The following TMTC1 variants were observed in gnomAD, a reference collection of about 807,000 sequenced individuals.
TMTC1 encodes the protein transmembrane O-mannosyltransferase targeting cadherins 1, also known as protein O-mannosyl-transferase TMTC1.
In TMTC1, 73 loss-of-function variants were observed where a neutral mutation model predicts 104.8. The observed-to-expected ratio is 0.70, with a 90% CI of 0.58 to 0.85. The LOEUF (loss-of-function observed/expected upper bound fraction) is 0.85, where lower values mean the gene tolerates loss of function less well. TMTC1 is among the 40% of genes least tolerant of loss of function. TMTC1 has a pLI of 0.00. For missense variants in TMTC1, 1,035 were observed against 1,096.1 expected, an observed-to-expected ratio of 0.94 and a Z score of 0.79; for synonymous variants, 434 against 428.7, an observed-to-expected ratio of 1.01 and a Z score of -0.15.
At chr12:29,691,555 G>A (rs1315910805) in intron 5 of TMTC1, among the ~76,000 whole-genome samples, 5 of 123,352 alleles carry the variant, frequency 4.1e-5, no homozygotes, top group African/African-American at 5.9e-5. Flanking sequence ...GGTGAAACCC[G>A]TTGGGTGGTT....
chr12:29,637,501 T>C (rs966171848), intron 5 of TMTC1, among the ~76,000 whole-genome samples: 1 of 152,196 alleles, frequency 6.6e-6, no homozygotes, highest in African/African-American at 2.4e-5. Context: ...TTAAACAATT[T>C]AGTCATGCAT....
chr12:29,731,460 A>T (rs71453754), intron 5 of TMTC1, among the ~76,000 whole-genome samples: 18,339 of 152,174 alleles, frequency 0.12, 1,279 homozygotes, highest in Admixed American at 0.22. Flanking sequence ...CGCAAATTGG[A>T]TTTTAAACAA....
At chr12:29,618,857 G>A (rs1041826822) in intron 6 of TMTC1, among the ~76,000 whole-genome samples, 11 of 152,106 alleles carry the variant, frequency 7.2e-5, no homozygotes, top group African/African-American at 2.2e-4. Flanking sequence ...AGGACAGAAC[G>A]GTTCTAGATG....
At chr12:29,610,209 G>A (rs1011809046) in intron 6 of TMTC1, among the ~76,000 whole-genome samples, 5 of 152,176 alleles carry the variant, frequency 3.3e-5, no homozygotes, top group Admixed American at 2.6e-4. Flanking sequence ...AAAAAGGATC[G>A]GAGCTCGGGC....
rs111321275 is a variant in TMTC1, at chr12:29,601,211, G to C, written c.1250+2967C>G. Among the ~76,000 whole-genome samples the C allele has an allele frequency of 8.6e-4, 131 of 152,326 alleles. 1 individual carries two copies. The highest frequency in any genetic ancestry group is 3.1e-3 in the African/African-American group (129 of 41,572). ...GAAAAGCCGGAGCTGGCATGATTCTGGGGGTTGGAGGATATACCTGCCCGG... is the reference window on the plus strand; with the variant it reads ...GAAAAGCCGGAGCTGGCATGATTCTCGGGGTTGGAGGATATACCTGCCCGG... On this transcript the variant is annotated intron_variant, in intron 7 of 17. Transcript: ENST00000539277.
chr12:29,584,442 A>T (rs929802765), intron 7 of TMTC1, among the ~76,000 whole-genome samples: 17 of 150,708 alleles, frequency 1.1e-4, no homozygotes, highest in Non-Finnish European at 2.1e-4. Context: ...TCTTTTTTTT[A>T]AATTTTATTA....
chr12:29,679,423 T>G (rs1407994044), intron 5 of TMTC1, among the ~76,000 whole-genome samples: 3 of 152,268 alleles, frequency 2.0e-5, no homozygotes, highest in African/African-American at 4.8e-5. Flanking sequence ...TTTGTAAAAT[T>G]TCTTACAAAT....
At position 29,700,478 on chromosome 12, in the gene TMTC1, G is replaced by C. The variant is rs557334333; in HGVS notation, c.938+51188C>G. Among the ~76,000 whole-genome samples the C allele has an allele frequency of 3.9e-5, 6 of 152,028 alleles. No homozygotes were observed. In the South Asian group the frequency reaches 1.2e-3, roughly 32 times the overall value. ...ATCTCCCAAAGTTCTGGAATTATAG[G>C]CATGAGCCACCGCACCAGGCCTTGG... is the stretch of plus-strand genomic sequence containing the variant. On this transcript the variant is annotated intron_variant, in intron 5 of 17. Transcript: ENST00000539277.
intron 9 of TMTC1, among the ~76,000 whole-genome samples, chr12:29,567,775 A>T (rs966055914): frequency 6.6e-6 from 1 of 152,194 alleles, no homozygotes; most frequent in Non-Finnish European, 1.5e-5. Context: ...TTTTTAAAAC[A>T]TGTTCAAACT....
In TMTC1 at chr12:29,745,577, C is replaced by T. The variant is rs1165925558; in HGVS notation, c.938+6089G>A. On this transcript the variant is annotated intron_variant, in intron 5 of 17. Transcript: ENST00000539277. Reference sequence around the variant, plus strand: ...CAGAGGTTGCAGTGAGTCGAGATAACATCACTGTACTCCAGCCTGAGCAAC... The same window carrying T: ...CAGAGGTTGCAGTGAGTCGAGATAATATCACTGTACTCCAGCCTGAGCAAC... Among the ~76,000 whole-genome samples the T allele has an allele frequency of 9.3e-5, 12 of 129,162 alleles. No homozygotes were observed. In the Admixed American group the frequency reaches 9.8e-4, roughly 11 times the overall value. 84.7% of individuals were successfully genotyped at this position (129,162 alleles called of 152,430 possible).
chr12:29,713,970 C>T (rs1464210203), intron 5 of TMTC1, among the ~76,000 whole-genome samples: 4 of 152,080 alleles, frequency 2.6e-5, no homozygotes, highest in African/African-American at 9.7e-5. Context: ...CTCTCTCTCT[C>T]CTGCTCTTCC....
chr12:29,682,628 G>T (rs570364145), intron 5 of TMTC1, among the ~76,000 whole-genome samples: 1 of 152,140 alleles, frequency 6.6e-6, no homozygotes, highest in Admixed American at 6.5e-5. Context: ...AGACATTATG[G>T]TGAAAAAAAG....
Position 29,523,447 on chromosome 12 carries a change from A to G in TMTC1, c.1786-2727T>C, listed in dbSNP as rs961447828. Among the ~76,000 whole-genome samples the G allele has an allele frequency of 2.0e-5, 3 of 152,360 alleles. No homozygotes were observed. The South Asian group carries it at 6.2e-4, about 32-fold the overall frequency. ...TGGCTGTCTTGATTGGCTGATTGGT[A>G]GGAGAGAAATAGGCACAAGGTGGTC... On this transcript the variant is annotated intron_variant, in intron 11 of 17. Coordinates refer to ENST00000539277, the MANE Select transcript of TMTC1 (RefSeq NM_001193451.2).
chr12:29,637,546 T>G (rs1938619321), intron 5 of TMTC1, among the ~76,000 whole-genome samples: 1 of 152,164 alleles, frequency 6.6e-6, no homozygotes, highest in African/African-American at 2.4e-5. Context: ...TAAAGAGGTT[T>G]CATGGCCGAA....
intron 1 of TMTC1, among the ~76,000 whole-genome samples, chr12:29,771,991 T>C (rs1015069177): frequency 6.6e-5 from 10 of 152,306 alleles, no homozygotes; most frequent in African/African-American, 1.9e-4. Flanking sequence ...TGAATAAACA[T>C]GAATGGATGA....
Position 29,585,666 on chromosome 12 carries a change from C to T in TMTC1, c.1251-2092G>A, listed in dbSNP as rs533624757. 7.9e-5 allele frequency among the ~76,000 whole-genome samples: 12 copies of T among 152,172 alleles called. No individual in the cohort carries two copies. The East Asian group carries it at 1.4e-3, about 17-fold the overall frequency. ...GTTTCAGCTTTCTACATATGGCTAGCCAGTTTTCCCAGCACCATTTATTAA... is the reference window on the plus strand; with the variant it reads ...GTTTCAGCTTTCTACATATGGCTAGTCAGTTTTCCCAGCACCATTTATTAA... On this transcript the variant is annotated intron_variant, in intron 7 of 17. Transcript: ENST00000539277.
intron 8 of TMTC1, among the ~76,000 whole-genome samples, chr12:29,578,833 A>G (rs902609812): frequency 6.6e-6 from 1 of 152,210 alleles, no homozygotes; most frequent in Non-Finnish European, 1.5e-5. Context: ...AAGGAAAGGA[A>G]GAAGAATTTG....
chr12:29,523,985 AGT>A (rs1491562151), intron 11 of TMTC1, among the ~76,000 whole-genome samples: 3 of 152,102 alleles, frequency 2.0e-5, no homozygotes, highest in African/African-American at 7.2e-5. Flanking sequence ...TACTTAGGTG[AGT>A]GTGACCATTA....
chr12:29,519,057 G>T (rs747272794), intron 12 of TMTC1, among the ~76,000 whole-genome samples: 4 of 152,110 alleles, frequency 2.6e-5, no homozygotes, highest in Admixed American at 6.5e-5. Flanking sequence ...CTTCAACATA[G>T]CAATTGAAGC....
Sources: allele counts gnomAD v4.1 joint callset (sites outside exome capture counted in the v4.1 genomes callset), GRCh38; gene constraint gnomAD v4.1.1; transcripts MANE v1.5; gene names NCBI Gene and HGNC (gene_info 2026-07-23, HGNC 2026-07-21).